Variants in MICU1 observed in about 807,000 individuals in gnomAD.
The protein encoded by MICU1 is calcium uptake protein 1, mitochondrial.
In MICU1, 45 loss-of-function variants were observed where a neutral mutation model predicts 56.8. The ratio of observed to expected loss-of-function variants is 0.79; its 90% CI spans 0.62 to 1.02. The LOEUF is 1.02. Ranked by LOEUF, MICU1 falls within the 50% of genes least tolerant of loss-of-function variation. MICU1 has a pLI of 0.00. For missense variants in MICU1, 504 were observed against 587.1 expected, an observed-to-expected ratio of 0.86 and a Z score of 1.46; for synonymous variants, 186 against 195.1, an observed-to-expected ratio of 0.95 and a Z score of 0.39.
chr10:72,609,000 G>A (rs1159767016), intron 1 of MICU1, among the ~76,000 whole-genome samples: 1 of 152,182 alleles, frequency 6.6e-6, no homozygotes, highest in African/African-American at 2.4e-5. Context: ...GCTCAATTAA[G>A]CTCTGTTAAA....
chr10:72,576,407 T>C (rs1336696842), intron 1 of MICU1, among the ~76,000 whole-genome samples: 1 of 152,194 alleles, frequency 6.6e-6, no homozygotes, highest in African/African-American at 2.4e-5. Flanking sequence ...TCAGGCTTAC[T>C]GCTGATGTGA....
chr10:72,535,706 C>G (rs1051448536), intron 4 of MICU1, among the ~76,000 whole-genome samples: 1 of 152,110 alleles, frequency 6.6e-6, no homozygotes, highest in African/African-American at 2.4e-5. Flanking sequence ...CTTACAAAGG[C>G]AGGAGAATCA....
At chr10:72,533,693 A>C in intron 5 of MICU1, 53 bp downstream of exon 5, 1 of 1,341,260 alleles carries the variant, frequency 7.5e-7, no homozygotes, top group African/African-American at 1.5e-5. Flanking sequence ...GAACTTAAAA[A>C]TCTTCTTAGT....
At chr10:72,417,880 G>A (rs998013706) in intron 9 of MICU1, among the ~76,000 whole-genome samples, 1 of 152,198 alleles carries the variant, frequency 6.6e-6, no homozygotes, top group African/African-American at 2.4e-5. Context: ...TTCTTATGCT[G>A]TTAATAAAGA....
chr10:72,388,817 G>A (rs533693083), intron 10 of MICU1, among the ~76,000 whole-genome samples: 44 of 152,278 alleles, frequency 2.9e-4, no homozygotes, highest in African/African-American at 9.9e-4. Flanking sequence ...TAACAGAATT[G>A]TGGAGTATAC....
intron 8 of MICU1, among the ~76,000 whole-genome samples, chr10:72,430,953 A>G (rs1171689826): frequency 1.3e-5 from 2 of 152,162 alleles, no homozygotes; most frequent in South Asian, 2.1e-4. Context: ...ATGGTATCAC[A>G]GTGGATATAT....
intron 10 of MICU1, 148 bp downstream of exon 10, chr10:72,407,781 C>T (rs1863676295): frequency 1.8e-6 from 1 of 568,234 alleles, no homozygotes; most frequent in South Asian, 2.3e-5. Flanking sequence ...GGGTGAAATG[C>T]AAGGCTCATA....
At chr10:72,376,707 G>A (rs1043313881) in intron 10 of MICU1, among the ~76,000 whole-genome samples, 1 of 152,160 alleles carries the variant, frequency 6.6e-6, no homozygotes, top group African/African-American at 2.4e-5. Context: ...ATTGTGGGCT[G>A]AGGGGAATGG....
At chr10:72,464,121 C>A (rs557229049) in intron 8 of MICU1, among the ~76,000 whole-genome samples, 1 of 152,026 alleles carries the variant, frequency 6.6e-6, no homozygotes, top group African/African-American at 2.4e-5. Context: ...CATAGTGAAA[C>A]CTCGTCTCTA....
At chr10:72,597,514 G>C (rs985408557) in intron 1 of MICU1, among the ~76,000 whole-genome samples, 4 of 152,020 alleles carry the variant, frequency 2.6e-5, no homozygotes, top group Non-Finnish European at 2.9e-5. Flanking sequence ...TGGACTTTTA[G>C]GGTTTTTTTG....
chr10:72,594,562 C>T (rs1198204820), intron 1 of MICU1, among the ~76,000 whole-genome samples: 7 of 151,990 alleles, frequency 4.6e-5, no homozygotes, highest in Non-Finnish European at 7.4e-5. Flanking sequence ...AATTAGACTT[C>T]ATGAAAATTT....
chr10:72,434,428 A>G (rs543350840), intron 8 of MICU1, among the ~76,000 whole-genome samples: 1 of 152,240 alleles, frequency 6.6e-6, no homozygotes, highest in South Asian at 2.1e-4. Context: ...TTTCCACATG[A>G]AATTGCTAAA....
intron 8 of MICU1, among the ~76,000 whole-genome samples, chr10:72,434,548 T>G (rs956084251): frequency 6.6e-6 from 1 of 152,168 alleles, no homozygotes; most frequent in Non-Finnish European, 1.5e-5. Flanking sequence ...TACATACTTC[T>G]CTGAGATTTA....
chr10:72,612,395 T>G (rs533859419), intron 1 of MICU1, among the ~76,000 whole-genome samples: 1 of 152,304 alleles, frequency 6.6e-6, no homozygotes, highest in Admixed American at 6.5e-5. Flanking sequence ...AAGGAAGTTA[T>G]TAATGACTTA....
intron 5 of MICU1, chr10:72,509,470 C>A: frequency 8.3e-7 from 1 of 1,200,236 alleles, no homozygotes; most frequent in Non-Finnish European, 1.1e-6. Flanking sequence ...AATACAAGTA[C>A]CACACGAATC....
intron 3 of MICU1, among the ~76,000 whole-genome samples, chr10:72,551,684 A>G (rs1840039150): frequency 6.6e-6 from 1 of 152,226 alleles, no homozygotes; most frequent in Non-Finnish European, 1.5e-5. Flanking sequence ...AGAAGATTTC[A>G]GTAATAGGGT....
At chr10:72,466,329 G>T (rs1158528144) in intron 8 of MICU1, among the ~76,000 whole-genome samples, 1 of 140,530 alleles carries the variant, frequency 7.1e-6, no homozygotes, top group East Asian at 1.9e-4. Context: ...TGAAACTTAT[G>T]AACTGTTTAT....
chr10:72,542,295 C>T (rs182359841), intron 4 of MICU1, among the ~76,000 whole-genome samples: 1 of 152,222 alleles, frequency 6.6e-6, no homozygotes, highest in African/African-American at 2.4e-5. Flanking sequence ...CCATTCTCTG[C>T]TCATGGGCCA....
chr10:72,440,852 AC>A (rs1864897891), intron 8 of MICU1, among the ~76,000 whole-genome samples: 1 of 152,242 alleles, frequency 6.6e-6, no homozygotes, highest in South Asian at 2.1e-4. Flanking sequence ...ACAATGAGAT[AC>A]CATCTCATGC....
Sources: gnomAD v4.1 joint callset for allele counts (sites outside exome capture counted in the v4.1 genomes callset) on GRCh38, gnomAD v4.1.1 for gene constraint, MANE v1.5 for transcripts, NCBI Gene and HGNC (gene_info 2026-07-23, HGNC 2026-07-21) for gene names.